Variants in DMRT1 observed in about 807,000 individuals in gnomAD.
DMRT1 encodes doublesex and mab-3 related transcription factor 1.
A neutral mutation model predicts 32.3 loss-of-function variants in DMRT1; 7 were observed. The observed-to-expected ratio is 0.22, with a 90% CI of 0.12 to 0.41. The LOEUF is 0.41. DMRT1 is among the 10% of genes least tolerant of loss of function. The pLI, the probability that DMRT1 is intolerant of heterozygous loss-of-function variation, is 1.00. For synonymous variants in DMRT1, 278 were observed against 206.1 expected (o/e 1.35, Z -2.99); for missense variants, 625 against 500.5 (o/e 1.25, Z -2.37).
intron 4 of DMRT1, among the ~76,000 whole-genome samples, chr9:959,545 T>G (rs1819702792): frequency 6.6e-6 from 1 of 152,226 alleles, no homozygotes; most frequent in South Asian, 2.1e-4. Context: ...TTTTTGTTTT[T>G]TGAGATGGAG....
intron 4 of DMRT1, among the ~76,000 whole-genome samples, chr9:923,234 T>C (rs1347841281): frequency 1.3e-5 from 2 of 152,190 alleles, no homozygotes; most frequent in Non-Finnish European, 2.9e-5. Context: ...TTCTGCTCTC[T>C]GTTGGGAGCA....
intron 2 of DMRT1, among the ~76,000 whole-genome samples, chr9:887,868 TG>T (rs1300710548): frequency 6.6e-6 from 1 of 152,230 alleles, no homozygotes; most frequent in Non-Finnish European, 1.5e-5. Context: ...AAAAATGTAA[TG>T]TTTAAAGTAT....
At chr9:842,497 A>C in intron 1 of DMRT1, 9 of 363,168 alleles carry the variant, frequency 2.5e-5, no homozygotes, top group African/African-American at 4.4e-5. Context: ...CGGCCTCCCA[A>C]AGTGCTGGGA....
chr9:873,104 C>T (rs1321697242), intron 2 of DMRT1, among the ~76,000 whole-genome samples: 1 of 152,194 alleles, frequency 6.6e-6, no homozygotes, highest in Non-Finnish European at 1.5e-5. Context: ...AACCATCACA[C>T]CATCCTAGTG....
chr9:888,866 C>T (rs1466861625), intron 2 of DMRT1, among the ~76,000 whole-genome samples: 1 of 151,872 alleles, frequency 6.6e-6, no homozygotes, highest in Non-Finnish European at 1.5e-5. Flanking sequence ...GTGGCTCACA[C>T]CTATAATCCC....
intron 4 of DMRT1, among the ~76,000 whole-genome samples, chr9:927,497 A>C (rs1425990093): frequency 6.6e-6 from 1 of 152,208 alleles, no homozygotes; most frequent in Non-Finnish European, 1.5e-5. Flanking sequence ...TTACACTAGG[A>C]ATGAGTGCAG....
intron 2 of DMRT1, among the ~76,000 whole-genome samples, chr9:884,941 G>C (rs1235973494): frequency 6.6e-6 from 1 of 152,208 alleles, no homozygotes; most frequent in Non-Finnish European, 1.5e-5. Context: ...CTACACTCCA[G>C]CCTGGGCAAC....
intron 4 of DMRT1, among the ~76,000 whole-genome samples, chr9:959,815 A>T (rs991042427): frequency 4.6e-5 from 7 of 152,136 alleles, no homozygotes; most frequent in Non-Finnish European, 8.8e-5. Context: ...GGCGTGACCC[A>T]CCGCATCCAG....
chr9:931,673 T>C (rs1818730723), intron 4 of DMRT1, among the ~76,000 whole-genome samples: 2 of 152,226 alleles, frequency 1.3e-5, no homozygotes. Context: ...TGTGTGGAGA[T>C]AGACACAGAG....
chr9:952,004 A>G (rs929364128), intron 4 of DMRT1, among the ~76,000 whole-genome samples: 8 of 152,206 alleles, frequency 5.3e-5, no homozygotes, highest in Non-Finnish European at 1.0e-4. Context: ...TAAAATCACA[A>G]CAGCCTTTAA....
intron 4 of DMRT1, among the ~76,000 whole-genome samples, chr9:944,498 A>G (rs933884887): frequency 3.9e-5 from 6 of 152,224 alleles, no homozygotes; most frequent in Non-Finnish European, 8.8e-5. Context: ...ATAACATGGT[A>G]AAATAAAACT....
chr9:863,716 C>T (rs1398512587), intron 2 of DMRT1, among the ~76,000 whole-genome samples: 7 of 152,176 alleles, frequency 4.6e-5, no homozygotes, highest in East Asian at 3.8e-4. Context: ...GTGTCATTTA[C>T]GCCACTAAAT....
intron 3 of DMRT1, among the ~76,000 whole-genome samples, chr9:898,140 G>T (rs1817443626): frequency 7.1e-6 from 1 of 141,562 alleles, no homozygotes; most frequent in African/African-American, 2.5e-5. Flanking sequence ...CTTTTTTTGA[G>T]ACAGGGCCTC....
chr9:968,583 G>C lies in DMRT1; in HGVS notation c.*444G>C, dbSNP rs1395503017. On this transcript the variant is annotated 3_prime_UTR_variant, in exon 5 of 5. Transcript: ENST00000382276. ...TAAATTTAGCCAAGTTACCTGACGG[G>C]TGAGAAGAAAAGAGCAGGCAAAATT... 1.2e-5 allele frequency: 2 copies of C among 165,578 alleles called. No individual in the cohort carries two copies. Among genetic ancestry groups the C allele is most frequent in the African/African-American group, 4.8e-5 (2 of 41,302 alleles). 10.3% of individuals were successfully genotyped at this position (165,578 alleles called of 1,614,324 possible). A position where few individuals can be genotyped will look rare whatever the true frequency, so the allele number is the denominator to read the frequency against.
At chr9:951,853 G>C (rs1331834923) in intron 4 of DMRT1, among the ~76,000 whole-genome samples, 2 of 152,120 alleles carry the variant, frequency 1.3e-5, no homozygotes, top group Non-Finnish European at 2.9e-5. Flanking sequence ...ACCTTCTTCT[G>C]ATTCTGTTTC....
intron 2 of DMRT1, among the ~76,000 whole-genome samples, chr9:872,863 G>A (rs1054505000): frequency 3.3e-5 from 5 of 152,106 alleles, no homozygotes; most frequent in South Asian, 2.1e-4. Flanking sequence ...TTTCAAAAGC[G>A]GGTGCACCGT....
At chr9:926,780 T>G (rs939999764) in intron 4 of DMRT1, among the ~76,000 whole-genome samples, 1 of 152,052 alleles carries the variant, frequency 6.6e-6, no homozygotes, top group African/African-American at 2.4e-5. Flanking sequence ...TTGAACATAC[T>G]TACTAGAAAA....
intron 3 of DMRT1, among the ~76,000 whole-genome samples, chr9:896,724 A>C (rs1214879826): frequency 6.6e-6 from 1 of 151,824 alleles, no homozygotes; most frequent in Non-Finnish European, 1.5e-5. Flanking sequence ...GAGGCAGAAG[A>C]ATCGTCTGAA....
At chr9:944,270 TC>T (rs1280353527) in intron 4 of DMRT1, among the ~76,000 whole-genome samples, 1 of 152,224 alleles carries the variant, frequency 6.6e-6, no homozygotes, top group Non-Finnish European at 1.5e-5. Flanking sequence ...TATTGTGTGT[TC>T]CTGATTTTGA....
Sources: gnomAD v4.1 joint callset for allele counts (sites outside exome capture counted in the v4.1 genomes callset) on GRCh38, gnomAD v4.1.1 for gene constraint, MANE v1.5 for transcripts, NCBI Gene and HGNC (gene_info 2026-07-23, HGNC 2026-07-21) for gene names.